Variants in ARCN1 observed in about 807,000 individuals in gnomAD.
ARCN1 encodes the protein archain 1 coat protein complex I subunit delta, also known as coatomer subunit delta.
Under a neutral mutation model 60.4 loss-of-function variants are expected in ARCN1, and 5 were observed. The observed-to-expected ratio is 0.08, with a 90% CI of 0.04 to 0.17. The LOEUF (loss-of-function observed/expected upper bound fraction) is 0.17. ARCN1 is among the 10% of genes least tolerant of loss of function. The pLI is 1.00. For missense variants in ARCN1, 464 were observed against 626.5 expected, an observed-to-expected ratio of 0.74 and a Z score of 2.77; for synonymous variants, 224 against 220.0, an observed-to-expected ratio of 1.02 and a Z score of -0.16.
chr11:118,583,718 A>T, intron 3 of ARCN1, 91 bp from the exon 4 acceptor site: 1 of 1,329,676 alleles, frequency 7.5e-7, no homozygotes, highest in Non-Finnish European at 1.0e-6. Context: ...TGATTGTGCC[A>T]CTTGCACTCC....
intron 5 of ARCN1, among the ~76,000 whole-genome samples, chr11:118,586,093 TTTCCTTTCTTTC>T (rs1266593144): frequency 5.3e-5 from 8 of 152,274 alleles, no homozygotes; most frequent in South Asian, 2.1e-4. Context: ...TTCTTTCTTC[TTTCCTTTCTTTC>T]TTCCTTTCTT....
intron 1 of ARCN1, 68 bp from the exon 2 acceptor site, chr11:118,581,178 T>A: frequency 6.4e-7 from 1 of 1,573,046 alleles, no homozygotes; most frequent in East Asian, 2.3e-5. Context: ...ATGGAACATT[T>A]CCTGAGATGC....
intron 2 of ARCN1, among the ~76,000 whole-genome samples, chr11:118,582,707 C>T (rs1938687084): frequency 7.6e-6 from 1 of 130,904 alleles, no homozygotes; most frequent in Admixed American, 8.4e-5. Flanking sequence ...GACCGGGTGA[C>T]AGAGTTAGAC....
rs1939173461 is a variant in ARCN1 at position 118,602,676 on chromosome 11, C to A, written c.*1962C>A. 6.5e-6 allele frequency: 1 copy of A among 153,742 alleles called. No individual in the cohort carries two copies. The highest frequency in any genetic ancestry group is 2.4e-5 in the African/African-American group (1 of 41,430). 9.5% of individuals were successfully genotyped at this position (153,742 alleles called of 1,614,324 possible). A position where few individuals can be genotyped will look rare whatever the true frequency, so the allele number is the denominator to read the frequency against. On this transcript the variant is annotated 3_prime_UTR_variant, in exon 10 of 10. Transcript: ENST00000264028. ...AGGTTTTTCTGAGAAGGGCTTGGGA[C>A]AAGAAGTCTGTCATGTTAGTTAAGC...
rs1938646135 is a variant in ARCN1 at position 118,581,396 on chromosome 11, G to C, written c.154G>C (p.Glu52Gln). 1 of 1,614,194 alleles carries C rather than the reference G, an allele frequency of 6.2e-7. No homozygotes were observed. The highest frequency in any genetic ancestry group is 8.5e-7 in the Non-Finnish European group (1 of 1,180,038). Residue 52 changes from glutamate (E) to glutamine (Q), a missense_variant, in exon 2 of 10, where the codon GAG becomes CAG. Physicochemically the swap from Glu to Gln is conservative, Grantham distance 29. Transcript: ENST00000264028. ...TGKQHTFVETESVRYVYQPME... is the reference protein window; with the variant it reads ...TGKQHTFVETQSVRYVYQPME... Reference sequence around the variant, plus strand: ...AAAACAACATACGTTTGTTGAAACAGAGAGTGTAAGATATGTCTACCAGCC... The same window carrying C: ...AAAACAACATACGTTTGTTGAAACACAGAGTGTAAGATATGTCTACCAGCC...
intron 1 of ARCN1, among the ~76,000 whole-genome samples, chr11:118,574,563 A>G (rs1044993329): frequency 1.3e-5 from 2 of 152,120 alleles, no homozygotes. Context: ...AAAAATATAC[A>G]TTTCAAAGTA....
intron 8 of ARCN1, among the ~76,000 whole-genome samples, chr11:118,594,750 A>G (rs1394097436): frequency 6.7e-6 from 1 of 150,354 alleles, no homozygotes; most frequent in African/African-American, 2.4e-5. Flanking sequence ...GGGTTTCACC[A>G]TGTTGGCCAG....
rs1938645707 is a variant in ARCN1, at chr11:118,581,371, A to G, written c.129A>G (p.Gly43=). 1.2e-6 allele frequency: 2 copies of G among 1,614,078 alleles called. No homozygotes were observed. Among genetic ancestry groups the G allele is most frequent in the Non-Finnish European group, 8.5e-7 (1 of 1,180,040 alleles). Residue 43 remains glycine (G), a synonymous_variant, in exon 2 of 10, where the codon GGA becomes GGG. Coordinates refer to ENST00000264028, the MANE Select transcript of ARCN1 (RefSeq NM_001655.5). ...LAAFPKLMNT[G]KQHTFVETES... is the part of the protein sequence containing the mutation. ...CTTTTCCAAAGCTCATGAACACTGG[A>G]AAACAACATACGTTTGTTGAAACAG...
At chr11:118,576,607 C>G (rs1475808288) in intron 1 of ARCN1, among the ~76,000 whole-genome samples, 1 of 151,952 alleles carries the variant, frequency 6.6e-6, no homozygotes, top group Non-Finnish European at 1.5e-5. Context: ...ATTTCAAGAA[C>G]TTTAAGAAGA....
intron 3 of ARCN1, 42 bp from the exon 4 acceptor site, chr11:118,583,767 C>T: frequency 6.3e-7 from 1 of 1,594,084 alleles, no homozygotes; most frequent in Non-Finnish European, 8.5e-7. Flanking sequence ...TCAACAAAAA[C>T]CCAAAAAAAA....
At chr11:118,576,331 C>G (rs1361006667) in intron 1 of ARCN1, among the ~76,000 whole-genome samples, 1 of 140,572 alleles carries the variant, frequency 7.1e-6, no homozygotes, top group Middle Eastern at 4.1e-3. Flanking sequence ...CTGGAGAGAT[C>G]ATCTAACTTA....
intron 1 of ARCN1, among the ~76,000 whole-genome samples, 185 bp from the exon 2 acceptor site, chr11:118,581,061 A>G (rs1938638379): frequency 6.6e-6 from 1 of 152,130 alleles, no homozygotes; most frequent in Non-Finnish European, 1.5e-5. Flanking sequence ...TTGAGGTTGT[A>G]GTGAGCTGTG....
At chr11:118,583,769 CA>C (rs111590377) in intron 3 of ARCN1, 39 bp from the exon 4 acceptor site, 5,083 of 1,303,776 alleles carry the variant, frequency 3.9e-3, no homozygotes, top group Admixed American at 9.5e-3. Context: ...AACAAAAACC[CA>C]AAAAAAAAAG....
intron 1 of ARCN1, among the ~76,000 whole-genome samples, chr11:118,575,903 G>C (rs1231388052): frequency 6.6e-6 from 1 of 151,720 alleles, no homozygotes; most frequent in Non-Finnish European, 1.5e-5. Flanking sequence ...ATAAAATATT[G>C]TTCCAAAGTG....
At chr11:118,597,282 C>T (rs1360890886) in intron 8 of ARCN1, among the ~76,000 whole-genome samples, 1 of 152,154 alleles carries the variant, frequency 6.6e-6, no homozygotes, top group Non-Finnish European at 1.5e-5. Context: ...AGAGTTTTCC[C>T]CCACTATTAT....
At chr11:118,583,583 G>A (rs566377900) in intron 3 of ARCN1, among the ~76,000 whole-genome samples, 5 of 151,824 alleles carry the variant, frequency 3.3e-5, no homozygotes, top group Non-Finnish European at 7.4e-5. Context: ...GTGAGACCCT[G>A]TCTCTATAAA....
chr11:118,592,845 T>C lies in ARCN1; in HGVS notation c.1121T>C (p.Ile374Thr). The change falls in exon 7 of 10, where the codon ATT becomes ACT. Residue 374 changes from isoleucine to threonine, a missense_variant. Ile to Thr is a moderately conservative substitution (Grantham distance 89). Transcript: ENST00000264028. ...CTACAAACCACAGAGGAATCTTTTA[T>C]TCCACTGACAAGTAAGTGCCTCTGG... is the stretch of plus-strand genomic sequence containing the variant. ...WRLQTTEESF[I>T]PLTINCWPSE... 1 of 1,613,956 alleles carries C rather than the reference T, an allele frequency of 6.2e-7. No individual in the cohort carries two copies. Among genetic ancestry groups the C allele is most frequent in the South Asian group, 1.1e-5 (1 of 91,066 alleles).
chr11:118,586,419 C>G (rs72999427), intron 5 of ARCN1, among the ~76,000 whole-genome samples: 7 of 152,298 alleles, frequency 4.6e-5, no homozygotes, highest in Non-Finnish European at 1.0e-4. Context: ...TTTATATGCC[C>G]TGTTCTGTAT....
intron 1 of ARCN1, among the ~76,000 whole-genome samples, chr11:118,579,618 G>A (rs1938605778): frequency 6.6e-6 from 1 of 151,714 alleles, no homozygotes; most frequent in Non-Finnish European, 1.5e-5. Context: ...AACCTGGGAG[G>A]TGGAGGTTTC....
Sources: gnomAD v4.1 joint callset for allele counts (sites outside exome capture counted in the v4.1 genomes callset) on GRCh38, gnomAD v4.1.1 for gene constraint, MANE v1.5 for transcripts, NCBI Gene and HGNC (gene_info 2026-07-23, HGNC 2026-07-21) for gene names.